PIEZO2: variants seen among roughly 807,000 people sequenced by gnomAD.
The protein encoded by PIEZO2 is piezo type mechanosensitive ion channel component 2.
PIEZO2 carries 172 observed loss-of-function variants against 337.3 expected under a neutral mutation model. That is an observed-to-expected ratio of 0.51 (90% CI 0.45 to 0.58). PIEZO2 has a LOEUF of 0.58. PIEZO2 is among the 20% of genes least tolerant of loss of function. The pLI, the probability that PIEZO2 is intolerant of heterozygous loss-of-function variation, is 0.00. For missense variants in PIEZO2, 3,028 were observed against 3,391.3 expected, an observed-to-expected ratio of 0.89 and a Z score of 2.66; for synonymous variants, 1,251 against 1,228.5, an observed-to-expected ratio of 1.02 and a Z score of -0.38.
intron 36 of PIEZO2, chr18:10,725,479 G>A (rs1045993439): frequency 2.0e-6 from 3 of 1,516,750 alleles, no homozygotes; most frequent in South Asian, 1.2e-5. Context: ...GTGGGTATCC[G>A]GGTGGATGGG....
chr18:10,817,615 A>T (rs2040399548), intron 7 of PIEZO2, among the ~76,000 whole-genome samples: 1 of 152,302 alleles, frequency 6.6e-6, no homozygotes, highest in Middle Eastern at 3.4e-3. Context: ...CAAGACAGAA[A>T]CATTCTTCAA....
At chr18:10,744,806 C>T (rs2037358688) in intron 30 of PIEZO2, among the ~76,000 whole-genome samples, 1 of 152,140 alleles carries the variant, frequency 6.6e-6, no homozygotes. Context: ...CATAAATCTC[C>T]TCAACCTTCT....
At position 10,895,494 on chromosome 18, in the gene PIEZO2, A is replaced by G. The variant is rs971119649; in HGVS notation, c.329+15692T>C. On this transcript the variant is annotated intron_variant, in intron 4 of 55. Coordinates refer to ENST00000674853, the MANE Select transcript of PIEZO2 (RefSeq NM_001378183.1). This position sits in a 1 kb window ranked among gnomAD's most constrained non-coding sequence, Gnocchi z 4.8. ...GTCAAAAAAGAAAGTCAATGGCCTC[A>G]TGAGGTTGTTCAGTGACCACACCAG... Among the ~76,000 whole-genome samples, 10 of 152,048 alleles carry G rather than the reference A, an allele frequency of 6.6e-5. No individual in the cohort carries two copies. Among genetic ancestry groups the G allele is most frequent in the African/African-American group, 2.4e-4 (10 of 41,402 alleles).
Position 11,129,335 on chromosome 18 carries a change from G to C in PIEZO2, c.64+19190C>G, listed in dbSNP as rs2040273830. Among the ~76,000 whole-genome samples the C allele has an allele frequency of 6.6e-6, 1 of 152,184 alleles. No homozygotes were observed. ...GGCAGCACTCAACTGTCAAAGGCAA[G>C]GTAGGCGTAGCTACCATAATGGACA... is the stretch of plus-strand genomic sequence containing the variant. On this transcript the variant is annotated intron_variant, in intron 1 of 55. Coordinates refer to ENST00000674853, the MANE Select transcript of PIEZO2 (RefSeq NM_001378183.1). The surrounding 1 kb of genome is among the most constrained non-coding windows in gnomAD (Gnocchi z 4.6).
rs2039571220 is a variant in PIEZO2 at position 10,795,647 on chromosome 18, T to C, written c.1528-645A>G. On this transcript the variant is annotated intron_variant, in intron 12 of 55. Coordinates refer to ENST00000674853, the MANE Select transcript of PIEZO2 (RefSeq NM_001378183.1). The surrounding 1 kb of genome is among the most constrained non-coding windows in gnomAD (Gnocchi z 4.4). ...TGGTGCTTTCTTTTTCCCAGTCTCC[T>C]CTCACATGTGGCTGTGTTCCTTACT... Among the ~76,000 whole-genome samples the C allele has an allele frequency of 1.3e-5, 2 of 152,142 alleles. No homozygotes were observed. The highest frequency in any genetic ancestry group is 1.5e-5 in the Non-Finnish European group (1 of 68,034).
chr18:10,757,933 C>T (rs1484549992), intron 27 of PIEZO2, 36 bp downstream of exon 27: 1 of 1,504,644 alleles, frequency 6.6e-7, no homozygotes, highest in Non-Finnish European at 8.9e-7. Flanking sequence ...ATGCACACAT[C>T]AAAGTGGCTT....
chr18:10,875,509 G>A (rs544541854), intron 4 of PIEZO2, among the ~76,000 whole-genome samples: 172 of 152,248 alleles, frequency 1.1e-3, no homozygotes, highest in African/African-American at 4.0e-3. Context: ...GTGGGGCTGA[G>A]GTCAGGAGTA....
intron 48 of PIEZO2, 129 bp downstream of exon 48, chr18:10,691,096 G>A (rs1383731291): frequency 5.4e-6 from 6 of 1,103,892 alleles, no homozygotes; most frequent in Admixed American, 4.7e-5. Context: ...TGCCAACATC[G>A]TAAGAGTTCC....
chr18:10,753,690 T>G (rs894298134), intron 27 of PIEZO2, among the ~76,000 whole-genome samples: 1 of 152,226 alleles, frequency 6.6e-6, no homozygotes, highest in Non-Finnish European at 1.5e-5. Context: ...AATGGGTTCT[T>G]GTTCTGTAGG....
chr18:11,072,539 T>C (rs1474705717), intron 1 of PIEZO2, among the ~76,000 whole-genome samples: 1 of 152,228 alleles, frequency 6.6e-6, no homozygotes, highest in Admixed American at 6.5e-5. Flanking sequence ...CATGTAACTA[T>C]TCATTTATGT....
At chr18:10,742,871 A>C (rs1043938286) in intron 31 of PIEZO2, among the ~76,000 whole-genome samples, 2 of 151,918 alleles carry the variant, frequency 1.3e-5, no homozygotes, top group African/African-American at 4.8e-5. Context: ...CAGTCTTAAT[A>C]ATATGATCAA....
intron 12 of PIEZO2, among the ~76,000 whole-genome samples, chr18:10,796,625 C>T (rs8097645): frequency 0.82 from 124,702 of 152,226 alleles, 51,119 homozygotes; most frequent in East Asian, 0.93. Context: ...GAAAAGGACA[C>T]AATTTTACAA....
At position 10,980,753 on chromosome 18, in the gene PIEZO2, T is replaced by C. The variant is rs1474256466; in HGVS notation, c.161-1093A>G. Reference sequence around the variant, plus strand: ...AATCAAAAAGAAATAAGATGCAATTTTATTAGCAAAAAAATTGAAAAGGTT... The same window carrying C: ...AATCAAAAAGAAATAAGATGCAATTCTATTAGCAAAAAAATTGAAAAGGTT... On this transcript the variant is annotated intron_variant, in intron 2 of 55. Transcript: ENST00000674853. The surrounding 1 kb of genome is among the most constrained non-coding windows in gnomAD (Gnocchi z 4.8). 4.6e-5 allele frequency among the ~76,000 whole-genome samples: 7 copies of C among 152,180 alleles called. No individual in the cohort carries two copies.
rs57878973 is a variant in PIEZO2 at position 11,099,154 on chromosome 18, T to G, written c.65-32932A>C. 0.046 allele frequency among the ~76,000 whole-genome samples: 7,055 copies of G among 152,168 alleles called. 536 individuals are homozygous for G. The highest frequency in any genetic ancestry group is 0.16 in the African/African-American group (6,595 of 41,486). ...TAGTTAACATGAATTATTTAACCAA[T>G]TCCCTGACTGGACTGACATTTCACT... On this transcript the variant is annotated intron_variant, in intron 1 of 55. Coordinates refer to ENST00000674853, the MANE Select transcript of PIEZO2 (RefSeq NM_001378183.1). This position sits in a 1 kb window ranked among gnomAD's most constrained non-coding sequence, Gnocchi z 5.4.
intron 29 of PIEZO2, 142 bp downstream of exon 29, chr18:10,749,949 C>T: frequency 1.6e-6 from 1 of 620,748 alleles, no homozygotes; most frequent in Non-Finnish European, 2.9e-6. Flanking sequence ...TCACAATGTA[C>T]TACAGTTCTA....
In PIEZO2 at chr18:10,944,711, A is replaced by T. The variant is rs76905140; in HGVS notation, c.287-33483T>A. ...AAGAGTGAGTAAAATAATATCTTGAAATTGATGAGACAGTGTCCACTTTCA... is the reference window on the plus strand; with the variant it reads ...AAGAGTGAGTAAAATAATATCTTGATATTGATGAGACAGTGTCCACTTTCA... On this transcript the variant is annotated intron_variant, in intron 3 of 55. Coordinates refer to ENST00000674853, the MANE Select transcript of PIEZO2 (RefSeq NM_001378183.1). 1.8e-4 allele frequency among the ~76,000 whole-genome samples: 27 copies of T among 152,064 alleles called. No individual in the cohort carries two copies. In the East Asian group the frequency reaches 5.2e-3, roughly 29 times the overall value.
rs1392907105 is a variant in PIEZO2, at chr18:11,035,679, C to G, written c.160+30448G>C. On this transcript the variant is annotated intron_variant, in intron 2 of 55. Transcript: ENST00000674853. The surrounding 1 kb of genome is among the most constrained non-coding windows in gnomAD (Gnocchi z 4.3). Reference sequence around the variant, plus strand: ...TATGCATAGGAAGTCACTCTTATCCCTGAAGAATGGACACAGAGGGTTGGA... The same window carrying G: ...TATGCATAGGAAGTCACTCTTATCCGTGAAGAATGGACACAGAGGGTTGGA... Among the ~76,000 whole-genome samples the G allele has an allele frequency of 6.6e-6, 1 of 152,106 alleles. No individual in the cohort carries two copies. The highest frequency in any genetic ancestry group is 1.5e-5 in the Non-Finnish European group (1 of 68,012).
In PIEZO2 at chr18:11,083,760, G is replaced by A. The variant is rs553493968; in HGVS notation, c.65-17538C>T. ...GATCGGTAGGCTCTCCGAGGCTAGAGGCACAACTAAGGTTCAAGGAACAGG... is the reference window on the plus strand; with the variant it reads ...GATCGGTAGGCTCTCCGAGGCTAGAAGCACAACTAAGGTTCAAGGAACAGG... On this transcript the variant is annotated intron_variant, in intron 1 of 55. Transcript: ENST00000674853. This position sits in a 1 kb window ranked among gnomAD's most constrained non-coding sequence, Gnocchi z 4.4. 6.6e-6 allele frequency among the ~76,000 whole-genome samples: 1 copy of A among 152,328 alleles called. No individual in the cohort carries two copies. Among genetic ancestry groups the A allele is most frequent in the African/African-American group, 2.4e-5 (1 of 41,564 alleles).
At chr18:10,836,594 T>A (rs992555583) in intron 7 of PIEZO2, among the ~76,000 whole-genome samples, 7 of 152,204 alleles carry the variant, frequency 4.6e-5, no homozygotes, top group Non-Finnish European at 8.8e-5. Context: ...GTATATGATG[T>A]CAAACATATA....
Sources: allele counts gnomAD v4.1 joint callset (sites outside exome capture counted in the v4.1 genomes callset), GRCh38; gene constraint gnomAD v4.1.1; non-coding constraint Gnocchi (gnomAD v3.1); transcripts MANE v1.5; gene names NCBI Gene and HGNC (gene_info 2026-07-23, HGNC 2026-07-21).